C3orf18: variants seen among roughly 807,000 people sequenced by gnomAD.
The protein encoded by C3orf18 is chromosome 3 open reading frame 18.
In C3orf18, 12 loss-of-function variants were observed where a neutral mutation model predicts 14.1. The ratio of observed to expected loss-of-function variants is 0.85; its 90% confidence interval spans 0.55 to 1.38. C3orf18 has a LOEUF of 1.38. Ranked by LOEUF, C3orf18 falls within the 40% of genes most tolerant of loss-of-function variation. The pLI is 0.00. For synonymous variants in C3orf18, 82 were observed against 87.9 expected (o/e 0.93, Z 0.38); for missense variants, 196 against 213.9 (o/e 0.92, Z 0.52).
At chr3:50,574,455 A>C (rs1330734076), upstream of C3orf18, among the ~76,000 whole-genome samples, 1 of 152,156 alleles carries the variant, frequency 6.6e-6, no homozygotes, top group Non-Finnish European at 1.5e-5. Context: ...TACCCTCCCC[A>C]AGGTGGCCAT....
Position 50,558,302 on chromosome 3 carries a change from G to A in C3orf18, c.*1355C>T. ...AGCGGACAGTGACGGTGGAGAGGCTGGGCACGGGACATGCCTCTGTGCATG... is the reference window on the plus strand; with the variant it reads ...AGCGGACAGTGACGGTGGAGAGGCTAGGCACGGGACATGCCTCTGTGCATG... On this transcript the variant is annotated 3_prime_UTR_variant, in exon 6 of 6. Coordinates refer to ENST00000357203, the MANE Select transcript of C3orf18 (RefSeq NM_016210.5). 1 of 172,224 alleles carries A rather than the reference G, an allele frequency of 5.8e-6. No individual in the cohort carries two copies. Among genetic ancestry groups the A allele is most frequent in the Non-Finnish European group, 1.2e-5 (1 of 80,254 alleles). The allele number at this position is 172,224 out of a possible 1,614,324, so 10.7% of individuals were successfully genotyped here.
intron 4 of C3orf18, 65 bp downstream of exon 4, chr3:50,561,657 G>A (rs970482771): frequency 1.3e-6 from 2 of 1,524,428 alleles, no homozygotes; most frequent in Non-Finnish European, 1.8e-6. Context: ...TTCCTTCGGA[G>A]CCCAGCCCAG....
chr3:50,573,587 G>A (rs1193658441), upstream of C3orf18, among the ~76,000 whole-genome samples: 1 of 152,076 alleles, frequency 6.6e-6, no homozygotes, highest in Non-Finnish European at 1.5e-5. Flanking sequence ...TACTGCAAGG[G>A]GTGGGGTGAG....
In C3orf18 at chr3:50,558,599, C is replaced by A; in HGVS notation, c.*1058G>T. ...CACTTTCAGGCAGTCATAACTGCCC[C>A]CTCTAGCCTGCAGCCTGTGATTACT... On this transcript the variant is annotated 3_prime_UTR_variant, in exon 6 of 6. Transcript: ENST00000357203. 1 of 960,534 alleles carries A rather than the reference C, an allele frequency of 1.0e-6. No individual in the cohort carries two copies. The highest frequency in any genetic ancestry group is 1.6e-5 in the South Asian group (1 of 62,944). The allele number at this position is 960,534 out of a possible 1,614,324, so 59.5% of individuals were successfully genotyped here. A position where few individuals can be genotyped will look rare whatever the true frequency, so the allele number is the denominator to read the frequency against.
At chr3:50,564,785 C>G (rs902082884) in intron 3 of C3orf18, among the ~76,000 whole-genome samples, 1 of 152,168 alleles carries the variant, frequency 6.6e-6, no homozygotes, top group African/African-American at 2.4e-5. Context: ...CTCTGCAGCC[C>G]ACGGTCCACA....
intron 3 of C3orf18, among the ~76,000 whole-genome samples, chr3:50,562,958 G>A (rs1043447566): frequency 1.3e-5 from 2 of 152,090 alleles, no homozygotes; most frequent in African/African-American, 2.4e-5. Flanking sequence ...CACCTTGGGC[G>A]GGGAATCCAG....
chr3:50,570,314 C>G (rs896685512), upstream of C3orf18: 5 of 152,194 alleles, frequency 3.3e-5, no homozygotes, highest in African/African-American at 1.2e-4. Context: ...TGCTTGTGAC[C>G]TCTTTAAATA....
At chr3:50,561,409 T>A (rs1699959922) in intron 4 of C3orf18, among the ~76,000 whole-genome samples, 1 of 152,096 alleles carries the variant, frequency 6.6e-6, no homozygotes, top group Admixed American at 6.5e-5. Flanking sequence ...AGCAGTCAGC[T>A]CAGAGCAGCA....
At chr3:50,562,234 C>T in intron 3 of C3orf18, 1 of 354,596 alleles carries the variant, frequency 2.8e-6, no homozygotes, top group Non-Finnish European at 5.5e-6. Flanking sequence ...GCAGACAGTG[C>T]CCAGACTGAG....
At chr3:50,563,856 C>G (rs1025590921) in intron 3 of C3orf18, among the ~76,000 whole-genome samples, 8 of 152,244 alleles carry the variant, frequency 5.3e-5, no homozygotes, top group African/African-American at 1.9e-4. Flanking sequence ...AAGGACAAAA[C>G]CTTTCACTGA....
chr3:50,562,874 G>A (rs1444734208), intron 3 of C3orf18, among the ~76,000 whole-genome samples: 2 of 152,170 alleles, frequency 1.3e-5, no homozygotes, highest in African/African-American at 4.8e-5. Context: ...AAACATCTAG[G>A]ACCTCTAGGC....
intron 3 of C3orf18, among the ~76,000 whole-genome samples, chr3:50,564,974 C>T (rs1423352161): frequency 6.6e-6 from 1 of 152,188 alleles, no homozygotes; most frequent in Non-Finnish European, 1.5e-5. Flanking sequence ...CCATGTATTC[C>T]CAAGAACCTT....
chr3:50,558,792 ATAGCC>A lies in C3orf18; in HGVS notation c.*860_*864del, dbSNP rs771162303. 3 of 1,289,714 alleles carry A rather than the reference ATAGCC, an allele frequency of 2.3e-6. No homozygotes were observed. Among genetic ancestry groups the A allele is most frequent in the Non-Finnish European group, 3.0e-6 (3 of 988,884 alleles). The allele number at this position is 1,289,714 out of a possible 1,614,324, so 79.9% of individuals were successfully genotyped here. On this transcript the variant is annotated 3_prime_UTR_variant, in exon 6 of 6. Coordinates refer to ENST00000357203, the MANE Select transcript of C3orf18 (RefSeq NM_016210.5). ...TCCCTGAAGATTGAAGGCAGAGAAGATAGCCTACCCTGATGCTCCACTACATACCA... is the reference window on the plus strand; with the variant it reads ...TCCCTGAAGATTGAAGGCAGAGAAGATACCCTGATGCTCCACTACATACCA...
upstream of C3orf18, among the ~76,000 whole-genome samples, chr3:50,574,325 G>T (rs1410060404): frequency 6.6e-6 from 1 of 152,186 alleles, no homozygotes; most frequent in Non-Finnish European, 1.5e-5. Context: ...TGGACTCCTT[G>T]GGCTGTTATC....
At chr3:50,571,932 A>G (rs1701014184), upstream of C3orf18, 13 of 1,065,672 alleles carry the variant, frequency 1.2e-5, no homozygotes, top group East Asian at 1.4e-4. Context: ...AGGAGTGGCA[A>G]GAGTGGGGCC....
intron 3 of C3orf18, chr3:50,562,240 CTGAG>C: frequency 5.6e-6 from 2 of 354,332 alleles, no homozygotes. Context: ...AGTGCCCAGA[CTGAG>C]TCTGGGGACT....
chr3:50,568,739 A>G (rs1454947656), upstream of C3orf18, among the ~76,000 whole-genome samples: 19 of 151,640 alleles, frequency 1.3e-4, no homozygotes, highest in South Asian at 1.0e-3. Flanking sequence ...AAAAAAAAAA[A>G]AAAAAAAGAA....
Position 50,559,519 on chromosome 3 carries a change from A to G in C3orf18, c.*138T>C. 1 of 1,432,956 alleles carries G rather than the reference A, an allele frequency of 7.0e-7. No homozygotes were observed. Among genetic ancestry groups the G allele is most frequent in the Non-Finnish European group, 9.2e-7 (1 of 1,090,254 alleles). The allele number at this position is 1,432,956 out of a possible 1,614,324, so 88.8% of individuals were successfully genotyped here. On this transcript the variant is annotated 3_prime_UTR_variant, in exon 6 of 6. Transcript: ENST00000357203. ...CTAAAGTCAGCAGGTGGGTCTGGAGAACAGCTAGGACCTGGCTCAGCCCTC... is the reference window on the plus strand; with the variant it reads ...CTAAAGTCAGCAGGTGGGTCTGGAGGACAGCTAGGACCTGGCTCAGCCCTC...
upstream of C3orf18, chr3:50,571,582 C>A: frequency 1.1e-6 from 1 of 912,636 alleles, no homozygotes; most frequent in Admixed American, 1.8e-5. Context: ...ATGCTGCCCC[C>A]TCTGGGCCCA....
Sources: gnomAD v4.1 joint callset for allele counts (sites outside exome capture counted in the v4.1 genomes callset) on GRCh38, gnomAD v4.1.1 for gene constraint, MANE v1.5 for transcripts, NCBI Gene and HGNC (gene_info 2026-07-23, HGNC 2026-07-21) for gene names.